The following LPA variants were observed in gnomAD, a reference collection of about 807,000 sequenced individuals.
The protein encoded by LPA is apolipoprotein(a).
Under a neutral mutation model 197.9 loss-of-function variants are expected in LPA, and 199 were observed. The observed-to-expected ratio is 1.01, with a 90% confidence interval of 0.90 to 1.13. The LOEUF (loss-of-function observed/expected upper bound fraction) is 1.13, where lower values mean the gene tolerates loss of function less well. LPA is among the 50% of genes most tolerant of loss of function. LPA has a pLI of 0.00. For synonymous variants in LPA, 715 were observed against 639.5 expected (o/e 1.12, Z -1.78); for missense variants, 1,853 against 1,785.8 (o/e 1.04, Z -0.68).
chr6:160,635,916 GTT>G (rs1779808986), intron 6 of LPA, among the ~76,000 whole-genome samples: 1 of 64,710 alleles, frequency 1.5e-5, no homozygotes, highest in African/African-American at 9.3e-5. Flanking sequence ...GGTTTAGTAG[GTT>G]TGTTTCTCCA....
chr6:160,607,450 G>A (rs1562342525), intron 16 of LPA, among the ~76,000 whole-genome samples: 1 of 152,052 alleles, frequency 6.6e-6, no homozygotes, highest in Non-Finnish European at 1.5e-5. Flanking sequence ...AAGAACAGTG[G>A]GACCCATGGC....
At chr6:160,611,459 T>C in intron 16 of LPA, 103 bp downstream of exon 16, 2 of 1,544,604 alleles carry the variant, frequency 1.3e-6, no homozygotes, top group South Asian at 2.2e-5. Context: ...ACCATCTGAA[T>C]CTGACACAAG....
At chr6:160,634,918 T>G (rs866710197) in intron 7 of LPA, among the ~76,000 whole-genome samples, 2 of 150,056 alleles carry the variant, frequency 1.3e-5, no homozygotes, top group Non-Finnish European at 2.9e-5. Context: ...TTGTGCCCAT[T>G]CTAAAGACAA....
chr6:160,579,939 T>C (rs1778758692), intron 26 of LPA, among the ~76,000 whole-genome samples: 2 of 152,192 alleles, frequency 1.3e-5, no homozygotes, highest in South Asian at 4.1e-4. Flanking sequence ...CTGGATGAGA[T>C]TTGATAAATA....
At chr6:160,634,958 C>G (rs1050645825) in intron 7 of LPA, among the ~76,000 whole-genome samples, 165 bp downstream of exon 7, 2 of 150,242 alleles carry the variant, frequency 1.3e-5, no homozygotes, top group African/African-American at 5.1e-5. Flanking sequence ...AGAAATCACT[C>G]CGCTGGCTCC....
chr6:160,585,759 G>A lies in LPA; in HGVS notation c.4130-554C>T, dbSNP rs1306199380. Among the ~76,000 whole-genome samples the A allele has an allele frequency of 2.0e-5, 3 of 152,106 alleles. No individual in the cohort carries two copies. The East Asian group carries it at 5.8e-4, about 29-fold the overall frequency. On this transcript the variant is annotated intron_variant, in intron 25 of 38. Coordinates refer to ENST00000316300, the MANE Select transcript of LPA (RefSeq NM_005577.4). ...GTACAGGCCAAAATTTTATAGCCTA[G>A]GAGGGGAGACAGGGAATCTTGGGCC... is the stretch of plus-strand genomic sequence containing the variant.
intron 16 of LPA, among the ~76,000 whole-genome samples, chr6:160,609,721 T>G (rs1224132754): frequency 6.6e-6 from 1 of 151,900 alleles, no homozygotes; most frequent in Non-Finnish European, 1.5e-5. Context: ...TCTCTGAGGG[T>G]CGGTTAATTT....
intron 16 of LPA, among the ~76,000 whole-genome samples, chr6:160,610,277 G>A (rs946243075): frequency 6.6e-6 from 1 of 152,132 alleles, no homozygotes; most frequent in Admixed American, 6.5e-5. Flanking sequence ...TCCTCTCACA[G>A]GCACTTCATT....
intron 1 of LPA, among the ~76,000 whole-genome samples, chr6:160,662,086 A>G (rs950616011): frequency 1.3e-5 from 2 of 151,876 alleles, no homozygotes; most frequent in South Asian, 2.1e-4. Context: ...AACAGAATCA[A>G]TTTTTCTTTT....
rs780721859 is a variant in LPA at position 160,585,162 on chromosome 6, A to G, written c.4173T>C (p.Gly1391=). ...GTGTGCCTCGATAACTCTGTCCATC[A>G]CCTCGGTAGCAGTCCTGGACCCCAG... The part of the protein sequence containing the change: ...NSTGVQDCYR[G]DGQSYRGTLS... Residue 1391 remains glycine, a synonymous_variant, in exon 26 of 39, where the codon GGT becomes GGC. Transcript: ENST00000316300. The G allele has an allele frequency of 6.8e-6, 11 of 1,613,392 alleles. No individual in the cohort carries two copies. Among genetic ancestry groups the G allele is most frequent in the Non-Finnish European group, 7.6e-6 (9 of 1,179,810 alleles).
intron 20 of LPA, among the ~76,000 whole-genome samples, chr6:160,599,274 C>T (rs571937095): frequency 6.6e-6 from 1 of 152,202 alleles, no homozygotes; most frequent in Admixed American, 6.5e-5. Context: ...ACCCGGGAGG[C>T]GGAGCTTGCA....
At chr6:160,571,057 G>A (rs977869942) in intron 28 of LPA, among the ~76,000 whole-genome samples, 15 of 152,098 alleles carry the variant, frequency 9.9e-5, no homozygotes, top group Admixed American at 6.6e-5. Context: ...TGGAGGATTT[G>A]TTCATTCCTT....
intron 37 of LPA, among the ~76,000 whole-genome samples, chr6:160,535,955 A>G (rs1397268090): frequency 6.6e-6 from 1 of 152,186 alleles, no homozygotes; most frequent in Non-Finnish European, 1.5e-5. Context: ...CCTACCTCCC[A>G]TAATCCTCTT....
chr6:160,585,565 C>G (rs1240264049), intron 25 of LPA, among the ~76,000 whole-genome samples: 1 of 152,010 alleles, frequency 6.6e-6, no homozygotes, highest in African/African-American at 2.4e-5. Context: ...TCAAGCTGTT[C>G]AGGCTATAGG....
intron 1 of LPA, among the ~76,000 whole-genome samples, chr6:160,660,581 T>C (rs184529700): frequency 1.3e-5 from 2 of 152,334 alleles, no homozygotes; most frequent in Admixed American, 6.5e-5. Flanking sequence ...TGTGTAGAAA[T>C]GAACCTTGGA....
At chr6:160,606,961 C>T (rs1181813770) in intron 16 of LPA, among the ~76,000 whole-genome samples, 2 of 152,132 alleles carry the variant, frequency 1.3e-5, no homozygotes, top group African/African-American at 4.8e-5. Flanking sequence ...CTGCCTTCTG[C>T]CCAATCCATC....
intron 20 of LPA, 128 bp downstream of exon 20, chr6:160,599,372 T>C (rs7767342): frequency 7.1e-7 from 1 of 1,402,952 alleles, no homozygotes; most frequent in African/African-American, 1.4e-5. Flanking sequence ...TAAGAACTTT[T>C]GCTCACAGGA....
chr6:160,549,201 C>T (rs1778129340), intron 30 of LPA, among the ~76,000 whole-genome samples: 1 of 152,152 alleles, frequency 6.6e-6, no homozygotes, highest in Admixed American at 6.5e-5. Flanking sequence ...CTGCCCTTGA[C>T]ACATGGGGAT....
At chr6:160,553,072 C>G (rs182124807) in intron 30 of LPA, among the ~76,000 whole-genome samples, 3 of 152,040 alleles carry the variant, frequency 2.0e-5, no homozygotes, top group African/African-American at 7.2e-5. Flanking sequence ...ATGGATAATG[C>G]AAAAAACTCA....
Sources: gnomAD v4.1 joint callset for allele counts (sites outside exome capture counted in the v4.1 genomes callset) on GRCh38, gnomAD v4.1.1 for gene constraint, MANE v1.5 for transcripts, NCBI Gene and HGNC (gene_info 2026-07-23, HGNC 2026-07-21) for gene names.